The following LYPD1 variants were observed in gnomAD, a reference collection of about 807,000 sequenced individuals.
LYPD1 encodes LY6/PLAUR domain containing 1, also known as ly6/PLAUR domain-containing protein 1.
A neutral mutation model predicts 14.2 loss-of-function variants in LYPD1; 14 were observed. That is an observed-to-expected ratio of 0.99 (90% CI 0.65 to 1.54). The LOEUF (loss-of-function observed/expected upper bound fraction) is 1.54. Ranked by LOEUF, LYPD1 falls within the 40% of genes most tolerant of loss-of-function variation. The probability of loss-of-function intolerance (pLI) is 0.00; values close to 1 mark genes in which losing one functional copy is unlikely to be tolerated. For missense variants in LYPD1, 165 were observed against 175.7 expected (o/e 0.94, Z 0.34); for synonymous variants, 85 against 70.6 (o/e 1.20, Z -1.02).
intron 1 of LYPD1, among the ~76,000 whole-genome samples, chr2:132,668,829 G>A (rs1346378610): frequency 1.3e-5 from 2 of 152,178 alleles, no homozygotes; most frequent in East Asian, 3.8e-4. Flanking sequence ...TGAAGGGAGG[G>A]TGGGGACGGT....
In LYPD1 at chr2:132,643,462, C is replaced by T. The variant is rs138965625; in HGVS notation, c.*2583G>A. ...CAGGCAAGGAATACTCAGGCCAGTG[C>T]ATACAGGAGGCTCAATTCTGGATGT... On this transcript the variant is annotated 3_prime_UTR_variant, in exon 3 of 3. Transcript: ENST00000397463. 1.3e-5 allele frequency among the ~76,000 whole-genome samples: 2 copies of T among 152,182 alleles called. No homozygotes were observed. The highest frequency in any genetic ancestry group is 2.9e-5 in the Non-Finnish European group (2 of 68,034).
Position 132,645,414 on chromosome 2 carries a change from C to T in LYPD1, c.*631G>A. The T allele has an allele frequency of 1.2e-6, 2 of 1,613,660 alleles. No individual in the cohort carries two copies. The highest frequency in any genetic ancestry group is 1.7e-6 in the Non-Finnish European group (2 of 1,180,032). On this transcript the variant is annotated 3_prime_UTR_variant, in exon 3 of 3. Transcript: ENST00000397463. ...CCGACAGCGCCCGCTTTGTGCAGCG[C>T]CCGTTGCTCTTCGCGTCCCGGCGCC...
intron 2 of LYPD1, among the ~76,000 whole-genome samples, chr2:132,648,435 T>C (rs1289254195): frequency 6.6e-6 from 1 of 152,226 alleles, no homozygotes; most frequent in Non-Finnish European, 1.5e-5. Flanking sequence ...TTCTGTACAT[T>C]TACATATATG....
chr2:132,668,981 A>C (rs1683457984), intron 1 of LYPD1, among the ~76,000 whole-genome samples: 1 of 152,180 alleles, frequency 6.6e-6, no homozygotes, highest in Non-Finnish European at 1.5e-5. Context: ...ACGTCTTTTT[A>C]GTTTTTATTT....
At position 132,645,651 on chromosome 2, in the gene LYPD1, TAAGAA is replaced by T; in HGVS notation, c.*389_*393del. On this transcript the variant is annotated 3_prime_UTR_variant, in exon 3 of 3. Coordinates refer to ENST00000397463, the MANE Select transcript of LYPD1 (RefSeq NM_144586.7). Reference sequence around the variant, plus strand: ...TGAGTGGGAACTGGCCCTCCAGCCCTAAGAAAACGTCACTCTCACTCTGCAGTCTC... The same window carrying T: ...TGAGTGGGAACTGGCCCTCCAGCCCTAACGTCACTCTCACTCTGCAGTCTC... The T allele has an allele frequency of 6.4e-7, 1 of 1,569,434 alleles. No individual in the cohort carries two copies.
intron 2 of LYPD1, among the ~76,000 whole-genome samples, chr2:132,658,321 G>A (rs1458452624): frequency 5.9e-5 from 9 of 152,182 alleles, no homozygotes; most frequent in Admixed American, 5.9e-4. Context: ...GCTACTTGCA[G>A]CCAAAAACAT....
intron 2 of LYPD1, among the ~76,000 whole-genome samples, chr2:132,649,551 G>GTGAT (rs1305773223): frequency 7.2e-5 from 11 of 152,336 alleles, no homozygotes; most frequent in African/African-American, 2.6e-4. Flanking sequence ...TAAGGAACAT[G>GTGAT]TGATTGAATA....
intron 2 of LYPD1, among the ~76,000 whole-genome samples, chr2:132,656,776 T>C (rs980976113): frequency 1.3e-5 from 2 of 152,170 alleles, no homozygotes; most frequent in African/African-American, 4.8e-5. Flanking sequence ...CCCCCTCCAT[T>C]TGAGTTGCAG....
chr2:132,669,885 A>C lies in LYPD1; in HGVS notation c.48T>G (p.Leu16=). The change falls in exon 1 of 3, where the codon CTT becomes CTG. Residue 16 remains leucine (L), a synonymous_variant. Coordinates refer to ENST00000397463, the MANE Select transcript of LYPD1 (RefSeq NM_144586.7). The surrounding 1 kb of genome is among the most constrained non-coding windows in gnomAD (Gnocchi z 4.3). The part of the protein sequence containing the change: ...IAATFCGLFL[L]PGFALQIQCY... The stretch of plus-strand genomic sequence containing the variant: ...CTGGCCTCTGGGTATTCTCACCTGG[A>C]AGCAAGAACAATCCGCAAAAAGTTG... 7 of 1,612,710 alleles carry C rather than the reference A, an allele frequency of 4.3e-6. No homozygotes were observed. Among genetic ancestry groups the C allele is most frequent in the Non-Finnish European group, 5.9e-6 (7 of 1,179,302 alleles).
rs1682000527 is a variant in LYPD1 at position 132,645,339 on chromosome 2, GC to G, written c.*705del. On this transcript the variant is annotated 3_prime_UTR_variant, in exon 3 of 3. Coordinates refer to ENST00000397463, the MANE Select transcript of LYPD1 (RefSeq NM_144586.7). ...AGGTGCTGTGCTGCCGCCTGTCGCT[GC>G]AGCACGCCAACCACGAGAAGCGCCT... 1 of 1,614,148 alleles carries G rather than the reference GC, an allele frequency of 6.2e-7. No individual in the cohort carries two copies. Among genetic ancestry groups the G allele is most frequent in the Non-Finnish European group, 8.5e-7 (1 of 1,180,044 alleles).
At chr2:132,658,846 C>A (rs1682755641) in intron 2 of LYPD1, among the ~76,000 whole-genome samples, 1 of 152,162 alleles carries the variant, frequency 6.6e-6, no homozygotes, top group African/African-American at 2.4e-5. Context: ...CAAGGGAGAG[C>A]TGATGACCAA....
chr2:132,649,221 T>G (rs1682262000), intron 2 of LYPD1, among the ~76,000 whole-genome samples: 1 of 152,114 alleles, frequency 6.6e-6, no homozygotes, highest in Non-Finnish European at 1.5e-5. Flanking sequence ...AATTTGAGAT[T>G]AAAGAGGGCT....
At position 132,645,794 on chromosome 2, in the gene LYPD1, A is replaced by G. The variant is rs932533337; in HGVS notation, c.*251T>C. The G allele has an allele frequency of 3.7e-6, 3 of 805,806 alleles. No homozygotes were observed. In the African/African-American group the frequency reaches 5.2e-5, roughly 14 times the overall value. The allele number at this position is 805,806 out of a possible 1,614,324, so 49.9% of individuals were successfully genotyped here. On this transcript the variant is annotated 3_prime_UTR_variant, in exon 3 of 3. Transcript: ENST00000397463. ...TGCCAGCCTGGCCTTGACTCCGGTT[A>G]CACAGACATGGGGGTGAACTTTCAC...
intron 2 of LYPD1, chr2:132,667,110 A>G (rs2248193): frequency 0.46 from 69,838 of 152,044 alleles, 18,721 homozygotes; most frequent in East Asian, 0.66. Flanking sequence ...ATCCCTATCA[A>G]TCTTAAGAAT....
At chr2:132,647,701 C>T (rs910494321) in intron 2 of LYPD1, among the ~76,000 whole-genome samples, 1 of 152,158 alleles carries the variant, frequency 6.6e-6, no homozygotes, top group Non-Finnish European at 1.5e-5. Context: ...TAAAGCTAGA[C>T]TTAGAATTAA....
At chr2:132,657,982 G>A (rs771335114) in intron 2 of LYPD1, among the ~76,000 whole-genome samples, 7 of 152,202 alleles carry the variant, frequency 4.6e-5, no homozygotes, top group Non-Finnish European at 8.8e-5. Context: ...GCTACTAGCG[G>A]CCATGAGACA....
chr2:132,647,102 T>C (rs1164755249), intron 2 of LYPD1, among the ~76,000 whole-genome samples: 1 of 151,990 alleles, frequency 6.6e-6, no homozygotes, highest in East Asian at 1.9e-4. Flanking sequence ...TAAACTTTTA[T>C]TTAAGGGCTT....
At chr2:132,670,837 G>A (rs1443157025), upstream of LYPD1, among the ~76,000 whole-genome samples, 1 of 152,074 alleles carries the variant, frequency 6.6e-6, no homozygotes, top group East Asian at 1.9e-4. This position sits in a 1 kb window ranked among gnomAD's most constrained non-coding sequence, Gnocchi z 4.5. Flanking sequence ...TGCCTTAACT[G>A]TCTCACTTGC....
chr2:132,655,860 C>T (rs919778039), intron 2 of LYPD1, among the ~76,000 whole-genome samples: 3 of 152,094 alleles, frequency 2.0e-5, no homozygotes, highest in African/African-American at 7.2e-5. Context: ...AGCCCCTGGA[C>T]CTTGAGGATC....
Sources: gnomAD v4.1 joint callset for allele counts (sites outside exome capture counted in the v4.1 genomes callset) on GRCh38, gnomAD v4.1.1 for gene constraint, Gnocchi (gnomAD v3.1) non-coding constraint, MANE v1.5 for transcripts, NCBI Gene and HGNC (gene_info 2026-07-23, HGNC 2026-07-21) for gene names.